The following HERC1 variants were observed in gnomAD, a reference collection of about 807,000 sequenced individuals.
HERC1 encodes probable E3 ubiquitin-protein ligase HERC1.
In HERC1, 160 loss-of-function variants were observed where a neutral mutation model predicts 554.3. That is an observed-to-expected ratio of 0.29 (90% CI 0.25 to 0.33). The LOEUF is 0.33. HERC1 is among the 10% of genes least tolerant of loss of function. HERC1 has a pLI of 1.00. For synonymous variants in HERC1, 2,175 were observed against 2,131.7 expected (o/e 1.02, Z -0.56); for missense variants, 4,919 against 5,918.5 (o/e 0.83, Z 5.54).
At chr15:63,650,138 C>T (rs2069592014) in intron 53 of HERC1, among the ~76,000 whole-genome samples, 1 of 152,098 alleles carries the variant, frequency 6.6e-6, no homozygotes. Flanking sequence ...CACAGTGGCT[C>T]ATGCCTGTAA....
At chr15:63,665,512 C>A (rs531301609) in intron 42 of HERC1, among the ~76,000 whole-genome samples, 1 of 151,706 alleles carries the variant, frequency 6.6e-6, no homozygotes, top group Non-Finnish European at 1.5e-5. Flanking sequence ...TCCAGCCTGG[C>A]GACAGAGCGA....
intron 2 of HERC1, among the ~76,000 whole-genome samples, chr15:63,773,178 C>T (rs758152739): frequency 1.3e-5 from 2 of 152,128 alleles, no homozygotes; most frequent in African/African-American, 4.8e-5. Flanking sequence ...TGTGGTGGCT[C>T]ACACCTGTAA....
Position 63,747,858 on chromosome 15 carries a change from T to C in HERC1, c.2220A>G (p.Arg740=). Residue 740 remains arginine (R), a splice_region_variant and synonymous_variant, in exon 11 of 78, where the codon AGA becomes AGG. Transcript: ENST00000443617. Reference sequence around the variant, plus strand: ...AAGGTCGGTGCCATGCAACAACTTGTCTAGAAGGACACATAAGAAAATAAT... The same window carrying C: ...AAGGTCGGTGCCATGCAACAACTTGCCTAGAAGGACACATAAGAAAATAAT... ...SLAWTALPRD[R]QVVAWHRPYC... The C allele has an allele frequency of 6.5e-7, 1 of 1,540,910 alleles. No individual in the cohort carries two copies. The highest frequency in any genetic ancestry group is 8.7e-7 in the Non-Finnish European group (1 of 1,143,048).
rs139754041 is a variant in HERC1 at position 63,702,405 on chromosome 15, A to T, written c.4637-3409T>A. Among the ~76,000 whole-genome samples the T allele has an allele frequency of 5.9e-4, 90 of 152,318 alleles. 1 individual carries two copies. Among genetic ancestry groups the T allele is most frequent in the African/African-American group, 1.9e-3 (80 of 41,562 alleles). ...TAAAACCCTATCAAAATATTTAAAG[A>T]TTAGGGGCGATAATCAAACCACACA... On this transcript the variant is annotated intron_variant, in intron 25 of 77. Transcript: ENST00000443617.
chr15:63,784,891 G>A (rs1459747335), intron 1 of HERC1, among the ~76,000 whole-genome samples: 5 of 152,166 alleles, frequency 3.3e-5, no homozygotes, highest in Admixed American at 6.5e-5. Flanking sequence ...GATTACAGGC[G>A]TGAGCCTCTG....
intron 74 of HERC1, among the ~76,000 whole-genome samples, chr15:63,618,121 G>A (rs2067905060): frequency 6.6e-6 from 1 of 151,818 alleles, no homozygotes; most frequent in Admixed American, 6.6e-5. Flanking sequence ...CTTTCTTCTA[G>A]GGTTTTTATG....
intron 14 of HERC1, 126 bp from the exon 15 acceptor site, chr15:63,729,775 C>T: frequency 1.2e-6 from 1 of 855,622 alleles, no homozygotes. Flanking sequence ...GTAATCCCAG[C>T]ACTTTGGGAG....
At chr15:63,642,151 C>T (rs1181643686) in intron 59 of HERC1, among the ~76,000 whole-genome samples, 3 of 152,264 alleles carry the variant, frequency 2.0e-5, no homozygotes, top group South Asian at 2.1e-4. Context: ...CAAATCAGCA[C>T]ATCGGCTCTA....
chr15:63,734,676 A>G lies in HERC1; in HGVS notation c.2646+48T>C, dbSNP rs1306129234. ...TTAGTTTTATTTCCTTCTCAGTCCAAATTTTTAGGATACTACTGGTTTACT... is the reference window on the plus strand; with the variant it reads ...TTAGTTTTATTTCCTTCTCAGTCCAGATTTTTAGGATACTACTGGTTTACT... On this transcript the variant is annotated intron_variant, in intron 13 of 77. Transcript: ENST00000443617. This position sits in a 1 kb window ranked among gnomAD's most constrained non-coding sequence, Gnocchi z 4.6. 3 of 1,472,670 alleles carry G rather than the reference A, an allele frequency of 2.0e-6. No homozygotes were observed. In the Admixed American group the frequency reaches 7.8e-5, roughly 38 times the overall value. The allele number at this position is 1,472,670 out of a possible 1,614,324, so 91.2% of individuals were successfully genotyped here.
chr15:63,792,388 A>T (rs564584918), intron 1 of HERC1, among the ~76,000 whole-genome samples: 5 of 152,330 alleles, frequency 3.3e-5, no homozygotes, highest in African/African-American at 1.2e-4. Context: ...CTCTGGAAGG[A>T]ATACAAAAAG....
chr15:63,773,366 C>T (rs4536410), intron 2 of HERC1, among the ~76,000 whole-genome samples: 75,438 of 147,836 alleles, frequency 0.51, 20,154 homozygotes, highest in Non-Finnish European at 0.55. Flanking sequence ...ATCGCTTGAA[C>T]CCAGGAGGCA....
At chr15:63,774,232 T>A (rs1034851796) in intron 2 of HERC1, among the ~76,000 whole-genome samples, 1 of 152,222 alleles carries the variant, frequency 6.6e-6, no homozygotes, top group Non-Finnish European at 1.5e-5. Context: ...ATCTGACTCC[T>A]CTACTAGGCT....
chr15:63,725,256 G>A, intron 18 of HERC1, 36 bp downstream of exon 18: 1 of 1,551,340 alleles, frequency 6.4e-7, no homozygotes, highest in Non-Finnish European at 8.9e-7. Flanking sequence ...GGTACAAACA[G>A]GCATGTATTT....
intron 1 of HERC1, among the ~76,000 whole-genome samples, chr15:63,809,404 G>A (rs2077231424): frequency 6.6e-6 from 1 of 152,170 alleles, no homozygotes; most frequent in African/African-American, 2.4e-5. Context: ...AAATTCCACT[G>A]CATACAAAGC....
rs2228516 is a variant in HERC1 at position 63,626,080 on chromosome 15, T to C, written c.13180A>G (p.Ile4394Val). The change falls in exon 71 of 78, where the codon ATT becomes GTT. Residue 4394 changes from isoleucine (I) to valine (V), a missense_variant. This residue lies in a region of HERC1 where 410 missense variants were observed against 467.0 expected (regional missense o/e 0.88). Transcript: ENST00000443617. ...PQYGALREVS[I>V]HTVRARLRLL... The stretch of plus-strand genomic sequence containing the variant: ...CGGAGCCTGGCCCGCACCGTGTGAA[T>C]GCTGACTTCTCTCAGCGCCCCATAC... 1.8e-3 allele frequency: 2,833 copies of C among 1,613,750 alleles called. 47 individuals carry two copies. The African/African-American group carries it at 0.034, about 19-fold the overall frequency.
chr15:63,747,465 A>AT (rs1314544805), intron 11 of HERC1, among the ~76,000 whole-genome samples: 1 of 152,198 alleles, frequency 6.6e-6, no homozygotes, highest in East Asian at 1.9e-4. Flanking sequence ...ATCTTAAAAA[A>AT]AAAAAAATTT....
rs757036418 is a variant in HERC1, at chr15:63,694,907, T to C, written c.5122-13A>G. On this transcript the variant is annotated splice_polypyrimidine_tract_variant and intron_variant, in intron 27 of 77. Coordinates refer to ENST00000443617, the MANE Select transcript of HERC1 (RefSeq NM_003922.4). This position sits in a 1 kb window ranked among gnomAD's most constrained non-coding sequence, Gnocchi z 4.3. Reference sequence around the variant, plus strand: ...CTCTGATCCCATCCTGAATTACACATAAAGAATTACTTTTTCTATTAGCAA... The same window carrying C: ...CTCTGATCCCATCCTGAATTACACACAAAGAATTACTTTTTCTATTAGCAA... 6.2e-7 allele frequency: 1 copy of C among 1,602,774 alleles called. No homozygotes were observed.
At chr15:63,764,045 ATAGCATTT>A (rs2075694723) in intron 3 of HERC1, 43 bp downstream of exon 3, 3 of 1,205,784 alleles carry the variant, frequency 2.5e-6, no homozygotes, top group Non-Finnish European at 3.6e-6. Flanking sequence ...AATACATGCC[ATAGCATTT>A]TAACACAAAG....
intron 25 of HERC1, among the ~76,000 whole-genome samples, chr15:63,703,100 ACT>A (rs1196104629): frequency 3.7e-5 from 5 of 136,200 alleles, no homozygotes; most frequent in Non-Finnish European, 7.7e-5. Context: ...ACAGAGCGAG[ACT>A]CTGTCTCAAA....
Sources: gnomAD v4.1 joint callset for allele counts (sites outside exome capture counted in the v4.1 genomes callset) on GRCh38, gnomAD v4.1.1 for gene constraint, gnomAD v4.1.1 regional missense constraint, Gnocchi (gnomAD v3.1) non-coding constraint, MANE v1.5 for transcripts, NCBI Gene and HGNC (gene_info 2026-07-23, HGNC 2026-07-21) for gene names.